The following PSKH2 variants were observed in gnomAD, a reference collection of about 807,000 sequenced individuals.
PSKH2 encodes protein serine kinase H2, also known as serine/threonine-protein kinase H2.
In PSKH2, 16 loss-of-function variants were observed where a neutral mutation model predicts 22.5. The observed-to-expected ratio is 0.71, with a 90% CI of 0.48 to 1.08. The LOEUF (loss-of-function observed/expected upper bound fraction) is 1.08, where lower values mean the gene tolerates loss of function less well. PSKH2 is among the 50% of genes least tolerant of loss of function. The pLI is 0.00. For missense variants in PSKH2, 516 were observed against 492.8 expected, an observed-to-expected ratio of 1.05 and a Z score of -0.44; for synonymous variants, 188 against 184.8, an observed-to-expected ratio of 1.02 and a Z score of -0.14.
intron 2 of PSKH2, 104 bp downstream of exon 2, chr8:86,063,861 A>T (rs1048835084): frequency 1.0e-5 from 9 of 883,202 alleles, no homozygotes; most frequent in Non-Finnish European, 1.5e-5. Context: ...CCTACAGCAC[A>T]CAGGACAACC....
At chr8:86,065,953 G>A (rs1221031734) in intron 1 of PSKH2, among the ~76,000 whole-genome samples, 1 of 152,088 alleles carries the variant, frequency 6.6e-6, no homozygotes, top group Non-Finnish European at 1.5e-5. Context: ...TTGGGTGAGA[G>A]AGCGAGACCT....
chr8:86,057,735 T>C (rs1817722684), intron 2 of PSKH2, among the ~76,000 whole-genome samples: 1 of 152,184 alleles, frequency 6.6e-6, no homozygotes, highest in African/African-American at 2.4e-5. Context: ...TTATGTGCTT[T>C]TGCATATATT....
At chr8:86,054,308 C>CA (rs1206062838) in intron 2 of PSKH2, among the ~76,000 whole-genome samples, 22 of 152,152 alleles carry the variant, frequency 1.4e-4, no homozygotes, top group East Asian at 7.7e-4. Flanking sequence ...TTTATCTCCA[C>CA]AAAAAATCAT....
intron 2 of PSKH2, among the ~76,000 whole-genome samples, chr8:86,060,749 A>C (rs1487813419): frequency 6.6e-6 from 1 of 152,192 alleles, no homozygotes; most frequent in East Asian, 1.9e-4. Context: ...GAGGGAAATC[A>C]AGATAATATA....
intron 2 of PSKH2, among the ~76,000 whole-genome samples, chr8:86,058,883 A>C (rs961981142): frequency 6.6e-6 from 1 of 152,090 alleles, no homozygotes; most frequent in African/African-American, 2.4e-5. Context: ...ACTCCCCTTC[A>C]CCATAAGAGG....
rs1435283824 is a variant in PSKH2 at position 86,047,838 on chromosome 8, TA to T, written c.*623del. Among the ~76,000 whole-genome samples the T allele has an allele frequency of 7.8e-6, 1 of 127,580 alleles. No homozygotes were observed. Among genetic ancestry groups the T allele is most frequent in the African/African-American group, 2.9e-5 (1 of 33,968 alleles). The allele number at this position is 127,580 out of a possible 152,430, so 83.7% of individuals were successfully genotyped here. A position where few individuals can be genotyped will look rare whatever the true frequency, so the allele number is the denominator to read the frequency against. On this transcript the variant is annotated 3_prime_UTR_variant, in exon 3 of 3. Coordinates refer to ENST00000276616, the MANE Select transcript of PSKH2 (RefSeq NM_033126.3). ...CCTGGTGGTTGATGAATGCTAACATTAGAAAAAAATCACTATTTTATGATTC... is the reference window on the plus strand; with the variant it reads ...CCTGGTGGTTGATGAATGCTAACATTGAAAAAAATCACTATTTTATGATTC...
At chr8:86,052,615 G>A (rs915789784) in intron 2 of PSKH2, among the ~76,000 whole-genome samples, 4 of 152,090 alleles carry the variant, frequency 2.6e-5, no homozygotes, top group African/African-American at 9.7e-5. Flanking sequence ...TCCTTCCTCA[G>A]TTCTTTTGTG....
chr8:86,065,417 C>T (rs1817841936), intron 1 of PSKH2, among the ~76,000 whole-genome samples: 1 of 152,164 alleles, frequency 6.6e-6, no homozygotes, highest in Non-Finnish European at 1.5e-5. Context: ...TTCTCACAGT[C>T]TCCCTCCATC....
intron 2 of PSKH2, among the ~76,000 whole-genome samples, chr8:86,054,420 G>A (rs1251028860): frequency 2.6e-5 from 4 of 152,048 alleles, no homozygotes; most frequent in Non-Finnish European, 5.9e-5. Context: ...CTCAGGCTTT[G>A]CAAATAAATT....
At chr8:86,065,602 A>G (rs1281698889) in intron 1 of PSKH2, among the ~76,000 whole-genome samples, 2 of 152,214 alleles carry the variant, frequency 1.3e-5, no homozygotes, top group African/African-American at 4.8e-5. Flanking sequence ...GTTGAAGAAA[A>G]AAAGGCCAGG....
chr8:86,058,008 C>A (rs746623116), intron 2 of PSKH2, among the ~76,000 whole-genome samples: 1 of 152,146 alleles, frequency 6.6e-6, no homozygotes, highest in Non-Finnish European at 1.5e-5. Context: ...ATTTCTGGCA[C>A]GAGGAAGGCC....
chr8:86,054,944 T>A (rs1392946827), intron 2 of PSKH2, among the ~76,000 whole-genome samples: 1 of 152,090 alleles, frequency 6.6e-6, no homozygotes, highest in Non-Finnish European at 1.5e-5. Context: ...GAGTGTTCCA[T>A]TTTCTCCAAA....
At chr8:86,057,307 TACACAC>T (rs1554583696) in intron 2 of PSKH2, among the ~76,000 whole-genome samples, 1 of 150,508 alleles carries the variant, frequency 6.6e-6, no homozygotes, top group Admixed American at 6.6e-5. Flanking sequence ...CACACACACA[TACACAC>T]AAATGCATGC....
chr8:86,050,336 C>G (rs1158904841), intron 2 of PSKH2, among the ~76,000 whole-genome samples: 1 of 152,168 alleles, frequency 6.6e-6, no homozygotes, highest in African/African-American at 2.4e-5. Flanking sequence ...CCTCTTGAAG[C>G]CACTTGCTAT....
chr8:86,065,798 C>G (rs976436836), intron 1 of PSKH2, among the ~76,000 whole-genome samples: 5 of 151,944 alleles, frequency 3.3e-5, no homozygotes, highest in Admixed American at 2.6e-4. Flanking sequence ...AAAACTGAGA[C>G]CCCTTCTCTA....
chr8:86,050,728 T>C (rs1817618599), intron 2 of PSKH2, among the ~76,000 whole-genome samples: 1 of 152,194 alleles, frequency 6.6e-6, no homozygotes, highest in South Asian at 2.1e-4. Context: ...GTTTGCTGTA[T>C]CTCAAACACA....
chr8:86,062,741 C>G (rs1475620985), intron 2 of PSKH2, among the ~76,000 whole-genome samples: 1 of 152,090 alleles, frequency 6.6e-6, no homozygotes, highest in Non-Finnish European at 1.5e-5. Context: ...TATAAATTAC[C>G]CAGTCTTGAA....
chr8:86,050,621 G>A (rs185370225), intron 2 of PSKH2, among the ~76,000 whole-genome samples: 1 of 152,120 alleles, frequency 6.6e-6, no homozygotes, highest in Non-Finnish European at 1.5e-5. Context: ...CATCCTGTAG[G>A]TTGACTCTAC....
intron 2 of PSKH2, among the ~76,000 whole-genome samples, chr8:86,049,619 GAGAGAGAGAAGAGGGGAGGGGAAGGC>G (rs1241011712): frequency 2.1e-5 from 3 of 139,632 alleles, no homozygotes; most frequent in African/African-American, 9.1e-5. Flanking sequence ...GGGAGAGGCA[GAGAGAGAGAAGAGGGGAGGGGAAGGC>G]AGAGAGAGAG....
Sources: gnomAD v4.1 joint callset for allele counts (sites outside exome capture counted in the v4.1 genomes callset) on GRCh38, gnomAD v4.1.1 for gene constraint, MANE v1.5 for transcripts, NCBI Gene and HGNC (gene_info 2026-07-23, HGNC 2026-07-21) for gene names.